Variants in IRAG1 observed in about 807,000 individuals in gnomAD.
IRAG1 encodes the protein inositol 1,4,5-triphosphate receptor associated 1.
IRAG1 carries 62 observed loss-of-function variants against 106.2 expected under a neutral mutation model. The observed-to-expected ratio is 0.58, with a 90% CI of 0.48 to 0.72. The LOEUF (loss-of-function observed/expected upper bound fraction) is 0.72. Among genes scored for constraint, IRAG1 ranks in the 30% least tolerant of loss-of-function variants. The pLI is 0.00. For synonymous variants in IRAG1, 462 were observed against 443.9 expected (o/e 1.04, Z -0.51); for missense variants, 1,064 against 1,140.7 (o/e 0.93, Z 0.97).
intron 2 of IRAG1, among the ~76,000 whole-genome samples, chr11:10,637,520 G>C (rs1857228947): frequency 6.6e-6 from 1 of 152,106 alleles, no homozygotes; most frequent in South Asian, 2.1e-4. Context: ...TGGCACAATG[G>C]CCAAAGGCCT....
In IRAG1 at chr11:10,606,627, ACT is replaced by A. The variant is rs1317903589; in HGVS notation, c.1602+113_1602+114del. On this transcript the variant is annotated intron_variant, in intron 12 of 20. Coordinates refer to ENST00000423302, the MANE Select transcript of IRAG1 (RefSeq NM_130385.4). ...TGAATGTTCACATTACCCCACAGTCACTCTTTCTCATTTTTGTCTAAAAATGT... is the reference window on the plus strand; with the variant it reads ...TGAATGTTCACATTACCCCACAGTCACTTTCTCATTTTTGTCTAAAAATGT... 2.8e-6 allele frequency: 3 copies of A among 1,055,994 alleles called. No individual in the cohort carries two copies. In the East Asian group the frequency reaches 7.9e-5, roughly 28 times the overall value. The allele number at this position is 1,055,994 out of a possible 1,614,324, so 65.4% of individuals were successfully genotyped here. A position where few individuals can be genotyped will look rare whatever the true frequency, so the allele number is the denominator to read the frequency against.
Position 10,689,721 on chromosome 11 carries a change from T to C in IRAG1, c.67+3815A>G, listed in dbSNP as rs940892274. ...ATGTTTTGGAGAATCTTTAATGATATGGAAAAAGGATTATATTAGAATGCT... is the reference window on the plus strand; with the variant it reads ...ATGTTTTGGAGAATCTTTAATGATACGGAAAAAGGATTATATTAGAATGCT... On this transcript the variant is annotated intron_variant, in intron 1 of 20. Transcript: ENST00000423302. Among the ~76,000 whole-genome samples the C allele has an allele frequency of 3.0e-4, 45 of 152,114 alleles. 1 individual carries two copies. Among genetic ancestry groups the C allele is most frequent in the Non-Finnish European group, 7.4e-5 (5 of 68,026 alleles).
chr11:10,584,548 A>AAT (rs56768282), intron 18 of IRAG1, among the ~76,000 whole-genome samples: 5,584 of 98,258 alleles, frequency 0.057, 193 homozygotes, highest in Middle Eastern at 0.072. Flanking sequence ...TCTTTCATGA[A>AAT]ATATATATAT....
chr11:10,623,838 T>C lies in IRAG1; in HGVS notation c.1387A>G (p.Asn463Asp). 1 of 1,614,016 alleles carries C rather than the reference T, an allele frequency of 6.2e-7. No individual in the cohort carries two copies. ...KLREEHILMR[N>D]QNLVGLKLPD... ...AGCTTGAGCCCCACTAAGTTCTGAT[T>C]TCTCATCAGGATGTGCTCCTTTGTG... The change falls in exon 10 of 21, where the codon AAT (asparagine) becomes GAT (aspartate). Residue 463 changes from asparagine (N) to aspartate (D), a missense_variant. Coordinates refer to ENST00000423302, the MANE Select transcript of IRAG1 (RefSeq NM_130385.4).
Position 10,603,159 on chromosome 11 carries a change from G to A in IRAG1, c.1836C>T (p.Arg612=). Residue 612 remains arginine (R), a synonymous_variant, in exon 14 of 21, where the codon CGC becomes CGT. Transcript: ENST00000423302. ...DIAVLHRLAA[R]LSSRAEVVGA... is the part of the protein sequence containing the mutation. ...CTACCACCTCAGCTCGGCTGGAGAGGCGGGCAGCCAGGCGGTGCAGGACAG... is the reference window on the plus strand; with the variant it reads ...CTACCACCTCAGCTCGGCTGGAGAGACGGGCAGCCAGGCGGTGCAGGACAG... The A allele has an allele frequency of 6.2e-7, 1 of 1,607,966 alleles. No homozygotes were observed. The highest frequency in any genetic ancestry group is 2.2e-5 in the East Asian group (1 of 44,616).
chr11:10,608,881 C>T (rs1854703502), intron 11 of IRAG1, among the ~76,000 whole-genome samples: 2 of 151,954 alleles, frequency 1.3e-5, no homozygotes, highest in Non-Finnish European at 2.9e-5. Context: ...GTTTTTGGTG[C>T]CATATCTAAA....
intron 1 of IRAG1, among the ~76,000 whole-genome samples, chr11:10,662,779 T>A (rs114658726): frequency 0.013 from 1,933 of 152,338 alleles, 44 homozygotes; most frequent in African/African-American, 0.044. Flanking sequence ...ACTCATGGCT[T>A]GATTCCTGCT....
chr11:10,594,156 G>A lies in IRAG1; in HGVS notation c.2057C>T (p.Thr686Met), dbSNP rs368228015. The change falls in exon 16 of 21, where the codon ACG becomes ATG. Residue 686 changes from threonine (T) to methionine (M), a missense_variant. Physicochemically the swap from Thr to Met is moderately conservative, Grantham distance 81. Coordinates refer to ENST00000423302, the MANE Select transcript of IRAG1 (RefSeq NM_130385.4). ...VPRTARSMSL[T>M]LGKNMPRRRV... ...CTTGAACATGCATACCTTTCCCAGC[G>A]TGAGGGACATGGACCGTGCCGTGCG... 74 of 1,608,982 alleles carry A rather than the reference G, an allele frequency of 4.6e-5. 1 individual carries two copies. The highest frequency in any genetic ancestry group is 2.7e-4 in the East Asian group (12 of 44,780).
intron 1 of IRAG1, among the ~76,000 whole-genome samples, chr11:10,669,735 C>T (rs1164235358): frequency 6.6e-6 from 1 of 152,184 alleles, no homozygotes; most frequent in African/African-American, 2.4e-5. Flanking sequence ...AGTTCCCCCC[C>T]TTACCCTTCA....
chr11:10,584,882 T>G (rs910483341), intron 18 of IRAG1, among the ~76,000 whole-genome samples: 2 of 152,124 alleles, frequency 1.3e-5, no homozygotes, highest in African/African-American at 4.8e-5. Context: ...AAATTATATC[T>G]GCTATTATTA....
At chr11:10,650,234 T>A (rs895334248) in intron 2 of IRAG1, among the ~76,000 whole-genome samples, 5 of 152,196 alleles carry the variant, frequency 3.3e-5, no homozygotes, top group African/African-American at 1.2e-4. Context: ...TTCCCTTGAA[T>A]GTCTAAGTGA....
At chr11:10,643,628 C>T (rs1857714060) in intron 2 of IRAG1, among the ~76,000 whole-genome samples, 1 of 152,218 alleles carries the variant, frequency 6.6e-6, no homozygotes, top group South Asian at 2.1e-4. Flanking sequence ...CACTACTCCA[C>T]CCTCCATTTC....
In IRAG1 at chr11:10,652,089, G is replaced by A; in HGVS notation, c.161C>T (p.Pro54Leu). ...GGGCTCCTCGTCCTCGGGAATGTGGGGCATGGCAGCCTCCTGCTGGGAGTG... is the reference window on the plus strand; with the variant it reads ...GGGCTCCTCGTCCTCGGGAATGTGGAGCATGGCAGCCTCCTGCTGGGAGTG... ...RGHSQQEAAM[P>L]HIPEDEEPPG... The change falls in exon 2 of 21, where the codon CCC becomes CTC. Residue 54 changes from proline to leucine, a missense_variant. Physicochemically the swap from Pro to Leu is moderately conservative, Grantham distance 98 (BLOSUM62 -3). Transcript: ENST00000423302. 1.2e-6 allele frequency: 2 copies of A among 1,606,048 alleles called. No homozygotes were observed. Among genetic ancestry groups the A allele is most frequent in the South Asian group, 2.2e-5 (2 of 89,402 alleles).
At chr11:10,582,331 T>C in intron 18 of IRAG1, among the ~76,000 whole-genome samples, 1 of 152,174 alleles carries the variant, frequency 6.6e-6, no homozygotes, top group East Asian at 1.9e-4. Context: ...CCATTCCTGT[T>C]GTCTATCTTT....
chr11:10,670,174 T>C (rs1874445), intron 1 of IRAG1, among the ~76,000 whole-genome samples: 95,012 of 152,092 alleles, frequency 0.62, 30,204 homozygotes, highest in East Asian at 0.97. Flanking sequence ...GAGAACAAAA[T>C]TGAGTGAGAT....
chr11:10,636,202 TATTTA>T (rs1261386137), intron 2 of IRAG1, among the ~76,000 whole-genome samples: 1 of 152,212 alleles, frequency 6.6e-6, no homozygotes, highest in African/African-American at 2.4e-5. Context: ...CATTTTTATT[TATTTA>T]ATTTATTTAG....
chr11:10,680,392 G>T (rs1226056566), intron 1 of IRAG1, among the ~76,000 whole-genome samples: 1 of 72,442 alleles, frequency 1.4e-5, no homozygotes, highest in Non-Finnish European at 2.5e-5. Context: ...AAGGAAGGAA[G>T]GAAGGAAGGA....
intron 9 of IRAG1, among the ~76,000 whole-genome samples, chr11:10,625,764 A>G (rs943394909): frequency 5.3e-5 from 8 of 151,998 alleles, no homozygotes; most frequent in African/African-American, 1.5e-4. Flanking sequence ...AACTGGCATA[A>G]AAAAGCACCT....
At chr11:10,642,452 C>T (rs1159428480) in intron 2 of IRAG1, among the ~76,000 whole-genome samples, 1 of 152,188 alleles carries the variant, frequency 6.6e-6, no homozygotes, top group East Asian at 1.9e-4. Flanking sequence ...CACCCCCAGC[C>T]CCAGCTCCAG....
Sources: allele counts gnomAD v4.1 joint callset (sites outside exome capture counted in the v4.1 genomes callset), GRCh38; gene constraint gnomAD v4.1.1; transcripts MANE v1.5; gene names NCBI Gene and HGNC (gene_info 2026-07-23, HGNC 2026-07-21).